The following CNKSR1 variants were observed in gnomAD, a reference collection of about 807,000 sequenced individuals.
CNKSR1 encodes the protein CNK homolog protein 1.
A neutral mutation model predicts 95.6 loss-of-function variants in CNKSR1; 88 were observed. The observed-to-expected ratio is 0.92, with a 90% CI of 0.78 to 1.10. The LOEUF (loss-of-function observed/expected upper bound fraction) is 1.10, where lower values mean the gene tolerates loss of function less well. Ranked by LOEUF, CNKSR1 falls within the 50% of genes least tolerant of loss-of-function variation. CNKSR1 has a pLI of 0.00. For missense variants in CNKSR1, 836 were observed against 912.0 expected (o/e 0.92, Z 1.07); for synonymous variants, 355 against 369.7 (o/e 0.96, Z 0.46).
In CNKSR1 at chr1:26,177,665, G is replaced by A. The variant is rs1156803415; in HGVS notation, c.52+66G>A. 6.9e-6 allele frequency: 11 copies of A among 1,589,752 alleles called. No individual in the cohort carries two copies. In the African/African-American group the frequency reaches 9.4e-5, roughly 14 times the overall value. Reference sequence around the variant, plus strand: ...GGTGTGGTGTCCCACCGGGAAGCGGGAGGAGAGGAAAAGGAAAAAAAATCT... The same window carrying A: ...GGTGTGGTGTCCCACCGGGAAGCGGAAGGAGAGGAAAAGGAAAAAAAATCT... On this transcript the variant is annotated intron_variant, in intron 1 of 20. Coordinates refer to ENST00000361530, the MANE Select transcript of CNKSR1 (RefSeq NM_006314.3).
intron 16 of CNKSR1, among the ~76,000 whole-genome samples, chr1:26,187,894 T>A (rs1253904863): frequency 6.6e-6 from 1 of 152,012 alleles, no homozygotes; most frequent in Non-Finnish European, 1.5e-5. Context: ...GAGCTGGGAT[T>A]ACAGGTGTGA....
chr1:26,183,132 G>A (rs551816014), intron 6 of CNKSR1, 65 bp from the exon 7 acceptor site: 15 of 1,491,876 alleles, frequency 1.0e-5, no homozygotes, highest in African/African-American at 4.1e-5. Context: ...GGTGTCTGGC[G>A]GGGGTCCTGC....
intron 5 of CNKSR1, 36 bp downstream of exon 5, chr1:26,182,438 G>A (rs745729758): frequency 6.2e-7 from 1 of 1,613,916 alleles, no homozygotes; most frequent in South Asian, 1.1e-5. Flanking sequence ...TGGGGGTAGG[G>A]GCGATCGGGC....
At chr1:26,184,024 G>A (rs751736078) in intron 9 of CNKSR1, 47 bp from the exon 10 acceptor site, 5 of 1,473,438 alleles carry the variant, frequency 3.4e-6, no homozygotes, top group Non-Finnish European at 2.8e-6. Flanking sequence ...CCCCCAACCT[G>A]CTTTCAGACC....
At chr1:26,184,648 G>A (rs2297711) in intron 13 of CNKSR1, 36 bp downstream of exon 13, 229,953 of 1,574,052 alleles carry the variant, frequency 0.15, 18,029 homozygotes, top group South Asian at 0.22. Flanking sequence ...GGGTTCCCCT[G>A]TTTGAGGAGC....
rs2088667062 is a variant in CNKSR1 at position 26,182,648 on chromosome 1, A to G, written c.624+64A>G. 4.3e-6 allele frequency: 6 copies of G among 1,386,470 alleles called. No individual in the cohort carries two copies. The South Asian group carries it at 6.0e-5, about 14-fold the overall frequency. The allele number at this position is 1,386,470 out of a possible 1,614,324, so 85.9% of individuals were successfully genotyped here. On this transcript the variant is annotated intron_variant, in intron 6 of 20. Transcript: ENST00000361530. ...GGCAGCCTTGTCTGGGCCCTGAAAT[A>G]GGGTCCAGGATCCCACAGAACCCTG...
chr1:26,184,981 C>T (rs766803322), intron 13 of CNKSR1, 33 bp from the exon 14 acceptor site: 2 of 1,564,484 alleles, frequency 1.3e-6, no homozygotes, highest in African/African-American at 1.3e-5. Context: ...CTTGCCAGCC[C>T]CTCACTGCCC....
intron 4 of CNKSR1, 146 bp downstream of exon 4, chr1:26,182,087 G>A: frequency 1.2e-6 from 1 of 833,288 alleles, no homozygotes; most frequent in Non-Finnish European, 2.0e-6. Context: ...CACTGGGTAT[G>A]GGACAATGGG....
chr1:26,184,735 C>G (rs2124512776), intron 13 of CNKSR1, 123 bp downstream of exon 13: 1 of 1,221,978 alleles, frequency 8.2e-7, no homozygotes, highest in East Asian at 2.5e-5. Context: ...AGCTCTGTTT[C>G]TAGGGTCAGA....
chr1:26,183,973 C>A, intron 9 of CNKSR1, 98 bp from the exon 10 acceptor site: 1 of 696,674 alleles, frequency 1.4e-6, no homozygotes, highest in East Asian at 2.8e-5. Context: ...TTCAGACCCC[C>A]CCACAGGTAC....
chr1:26,182,030 G>C (rs772790784), intron 4 of CNKSR1, 89 bp downstream of exon 4: 197 of 1,238,754 alleles, frequency 1.6e-4, no homozygotes, highest in Non-Finnish European at 2.2e-4. Context: ...GCCCAGGATC[G>C]AGTATGAGGA....
At chr1:26,181,147 G>C (rs2088640799) in intron 3 of CNKSR1, 1 of 452,892 alleles carries the variant, frequency 2.2e-6, no homozygotes, top group Non-Finnish European at 4.2e-6. Context: ...CAGGTGTGGT[G>C]GTGCGCACCT....
rs1190305164 is a variant in CNKSR1, at chr1:26,180,803, G to C, written c.299G>C (p.Cys100Ser). ...GACTTCCAGAGCATAGTCCAAGGCT[G>C]CCTGGGGGACTGTGCCAAGACCCCT... is the stretch of plus-strand genomic sequence containing the variant. Reference protein sequence around the residue: ...THDFQSIVQGCLGDCAKTPID... With the variant: ...THDFQSIVQGSLGDCAKTPID... Residue 100 changes from cysteine to serine, a missense_variant, in exon 3 of 21, where the codon TGC becomes TCC. By Grantham distance (112) the Cys-to-Ser change is moderately radical (BLOSUM62 -1). Coordinates refer to ENST00000361530, the MANE Select transcript of CNKSR1 (RefSeq NM_006314.3). 1 of 1,614,116 alleles carries C rather than the reference G, an allele frequency of 6.2e-7. No homozygotes were observed. The highest frequency in any genetic ancestry group is 8.5e-7 in the Non-Finnish European group (1 of 1,180,048).
rs913099770 is a variant in CNKSR1 at position 26,180,601 on chromosome 1, C to T, written c.201C>T (p.Leu67=). The change falls in exon 2 of 21, where the codon CTC becomes CTT. Residue 67 remains leucine (L), a synonymous_variant. Coordinates refer to ENST00000361530, the MANE Select transcript of CNKSR1 (RefSeq NM_006314.3). ...TCATCCTGGGCGGGGTGGAACAGCT[C>T]CAGGCCCTGGTGAGTGAATGCTGGT... ...QELILGGVEQ[L]QALSSRLQTE... 5.6e-6 allele frequency: 9 copies of T among 1,614,186 alleles called. No homozygotes were observed. The highest frequency in any genetic ancestry group is 2.2e-5 in the East Asian group (1 of 44,880).
intron 14 of CNKSR1, among the ~76,000 whole-genome samples, chr1:26,186,536 G>A (rs2088754233): frequency 6.6e-6 from 1 of 152,074 alleles, no homozygotes; most frequent in Non-Finnish European, 1.5e-5. Context: ...GTGCAGTGGC[G>A]CAATCGCAGC....
chr1:26,184,825 T>G (rs1569882322), intron 13 of CNKSR1, among the ~76,000 whole-genome samples, 189 bp from the exon 14 acceptor site: 1 of 151,764 alleles, frequency 6.6e-6, no homozygotes, highest in Non-Finnish European at 1.5e-5. Flanking sequence ...CAGGTTAGCC[T>G]CTAGTCTTCA....
Position 26,180,823 on chromosome 1 carries a change from AC to A in CNKSR1, c.323del (p.Pro108LeufsTer30). ...VQGCLGDCAK[T>X]PIDVLCAAVE... Reference sequence around the variant, plus strand: ...AGGCTGCCTGGGGGACTGTGCCAAGACCCCTATTGATGTCCTCTGTGCAGCT... The same window carrying A: ...AGGCTGCCTGGGGGACTGTGCCAAGACCCTATTGATGTCCTCTGTGCAGCT... On this transcript the variant is annotated frameshift_variant, in exon 3 of 21. Coordinates refer to ENST00000361530, the MANE Select transcript of CNKSR1 (RefSeq NM_006314.3). LOFTEE classifies it high-confidence loss of function. The A allele has an allele frequency of 6.2e-7, 1 of 1,614,068 alleles. No homozygotes were observed. Among genetic ancestry groups the A allele is most frequent in the Non-Finnish European group, 8.5e-7 (1 of 1,180,006 alleles).
At chr1:26,177,723 C>T (rs2088584655) in intron 1 of CNKSR1, 124 bp downstream of exon 1, 2 of 1,147,602 alleles carry the variant, frequency 1.7e-6, no homozygotes, top group Admixed American at 2.4e-5. Context: ...CACCTGTAAT[C>T]CCAGCACTTT....
chr1:26,178,416 C>T (rs1240934257), intron 1 of CNKSR1, among the ~76,000 whole-genome samples: 1 of 152,234 alleles, frequency 6.6e-6, no homozygotes, highest in Non-Finnish European at 1.5e-5. Flanking sequence ...CACCCTGGGG[C>T]TCCTATCCAA....
Sources: gnomAD v4.1 joint callset for allele counts (sites outside exome capture counted in the v4.1 genomes callset) on GRCh38, gnomAD v4.1.1 for gene constraint, MANE v1.5 for transcripts, NCBI Gene and HGNC (gene_info 2026-07-23, HGNC 2026-07-21) for gene names.